The following PLCB1 variants were observed in gnomAD, a reference collection of about 807,000 sequenced individuals.
PLCB1 encodes the protein 1-phosphatidylinositol 4,5-bisphosphate phosphodiesterase beta-1.
In PLCB1, 46 loss-of-function variants were observed where a neutral mutation model predicts 161.8. The ratio of observed to expected loss-of-function variants is 0.28; its 90% CI spans 0.22 to 0.36. The LOEUF (loss-of-function observed/expected upper bound fraction) is 0.36. PLCB1 is among the 10% of genes least tolerant of loss of function. PLCB1 has a pLI of 1.00. For missense variants in PLCB1, 1,016 were observed against 1,472.5 expected, an observed-to-expected ratio of 0.69 and a Z score of 5.07; for synonymous variants, 517 against 503.7, an observed-to-expected ratio of 1.03 and a Z score of -0.35.
At chr20:8,382,682 G>A (rs1987296379) in intron 3 of PLCB1, among the ~76,000 whole-genome samples, 1 of 151,058 alleles carries the variant, frequency 6.6e-6, no homozygotes, top group Admixed American at 6.6e-5. Context: ...CTGAGTAGCT[G>A]TGACTACAGG....
At chr20:8,840,910 G>A (rs1217799617) in intron 31 of PLCB1, among the ~76,000 whole-genome samples, 1 of 152,096 alleles carries the variant, frequency 6.6e-6, no homozygotes, top group African/African-American at 2.4e-5. Flanking sequence ...TCTGCCTCCT[G>A]GGTTCAAGTG....
intron 3 of PLCB1, among the ~76,000 whole-genome samples, chr20:8,444,565 G>GT (rs1280597206): frequency 2.0e-5 from 3 of 152,196 alleles, no homozygotes; most frequent in African/African-American, 7.2e-5. Flanking sequence ...TATATACCCA[G>GT]TAATGGGATG....
intron 2 of PLCB1, among the ~76,000 whole-genome samples, chr20:8,266,465 C>A (rs1197776838): frequency 6.6e-6 from 1 of 152,186 alleles, no homozygotes; most frequent in Admixed American, 6.5e-5. Flanking sequence ...GCTCAGGCAT[C>A]ATTTCTTCTT....
chr20:8,354,361 G>A (rs766796867), intron 2 of PLCB1, among the ~76,000 whole-genome samples: 2 of 152,110 alleles, frequency 1.3e-5, no homozygotes, highest in Non-Finnish European at 2.9e-5. Context: ...CAACAACAAA[G>A]CAATGGGATA....
intron 27 of PLCB1, among the ~76,000 whole-genome samples, chr20:8,779,594 G>A (rs1269552649): frequency 6.7e-6 from 1 of 148,854 alleles, no homozygotes; most frequent in African/African-American, 2.5e-5. Context: ...TACTCAAAGT[G>A]TGAAGTGTGG....
intron 25 of PLCB1, among the ~76,000 whole-genome samples, chr20:8,763,669 C>T (rs766031781): frequency 6.6e-5 from 10 of 150,860 alleles, no homozygotes; most frequent in Non-Finnish European, 1.5e-4. Context: ...TACAGGCATG[C>T]GCCACCACAC....
chr20:8,343,351 A>G lies in PLCB1; in HGVS notation c.178-28031A>G, dbSNP rs541671208. 3.0e-3 allele frequency among the ~76,000 whole-genome samples: 450 copies of G among 152,330 alleles called. 2 individuals are homozygous for G. Among genetic ancestry groups the G allele is most frequent in the South Asian group, 0.017 (83 of 4,826 alleles). On this transcript the variant is annotated intron_variant, in intron 2 of 31. Coordinates refer to ENST00000338037, the MANE Select transcript of PLCB1 (RefSeq NM_015192.4). ...TAGGCATGTGAAAACACAGATCTCT[A>G]GGCCCTATGGCAAGATATTCTAATT...
rs370445852 is a variant in PLCB1, at chr20:8,558,318, A to G, written c.247-69976A>G. Among the ~76,000 whole-genome samples, 66 of 151,980 alleles carry G rather than the reference A, an allele frequency of 4.3e-4. 1 individual carries two copies. The South Asian group carries it at 0.011, about 26-fold the overall frequency. ...CACCTACTATGTATCCACAAAATAA[A>G]GAATTAAATAAATAAATATAAATGA... is the stretch of plus-strand genomic sequence containing the variant. On this transcript the variant is annotated intron_variant, in intron 3 of 31. Transcript: ENST00000338037.
chr20:8,310,234 A>G (rs1600304276), intron 2 of PLCB1, among the ~76,000 whole-genome samples: 1 of 152,190 alleles, frequency 6.6e-6, no homozygotes, highest in East Asian at 1.9e-4. Flanking sequence ...TGTTTTTAAA[A>G]CAAATTATCG....
intron 2 of PLCB1, among the ~76,000 whole-genome samples, chr20:8,183,847 A>G: frequency 6.6e-6 from 1 of 152,198 alleles, no homozygotes; most frequent in East Asian, 1.9e-4. Context: ...ATTTGCAGCC[A>G]CTGAGATAAA....
chr20:8,252,541 A>G (rs1450220234), intron 2 of PLCB1, among the ~76,000 whole-genome samples: 1 of 152,074 alleles, frequency 6.6e-6, no homozygotes, highest in Non-Finnish European at 1.5e-5. Flanking sequence ...TAGCATTAGA[A>G]TAAATTAGAA....
intron 31 of PLCB1, among the ~76,000 whole-genome samples, chr20:8,821,036 GGA>G (rs1297484079): frequency 6.6e-6 from 1 of 152,086 alleles, no homozygotes; most frequent in African/African-American, 2.4e-5. Flanking sequence ...AGTCAGGGAA[GGA>G]GAGAGGATTT....
At chr20:8,789,982 C>T (rs1397535777) in intron 30 of PLCB1, among the ~76,000 whole-genome samples, 193 bp from the exon 31 acceptor site, 16 of 152,112 alleles carry the variant, frequency 1.1e-4, no homozygotes, top group Admixed American at 6.6e-5. Flanking sequence ...TTGATCACCA[C>T]CTCCCACCCT....
chr20:8,594,521 T>C (rs568681467), intron 3 of PLCB1, among the ~76,000 whole-genome samples: 1 of 152,218 alleles, frequency 6.6e-6, no homozygotes, highest in East Asian at 1.9e-4. Context: ...TCCCAGGAGA[T>C]GTGATGCTTC....
chr20:8,749,456 C>T (rs1981341574), intron 23 of PLCB1, among the ~76,000 whole-genome samples: 1 of 152,132 alleles, frequency 6.6e-6, no homozygotes, highest in Admixed American at 6.6e-5. Context: ...GACCATAGTC[C>T]GTACCAAACG....
At chr20:8,463,725 C>T (rs1037759283) in intron 3 of PLCB1, among the ~76,000 whole-genome samples, 9 of 152,044 alleles carry the variant, frequency 5.9e-5, no homozygotes, top group Admixed American at 2.6e-4. Flanking sequence ...GGCTTGTATA[C>T]GTAACTTTAA....
At position 8,843,526 on chromosome 20, in the gene PLCB1, C is replaced by T. The variant is rs183473223; in HGVS notation, c.3424-38096C>T. Among the ~76,000 whole-genome samples the T allele has an allele frequency of 9.2e-5, 14 of 152,154 alleles. No individual in the cohort carries two copies. The East Asian group carries it at 2.7e-3, about 29-fold the overall frequency. Reference sequence around the variant, plus strand: ...CCCTAAAAATTAGACACTCACAACCCCCATCATAGGCATATTCACTTATTT... The same window carrying T: ...CCCTAAAAATTAGACACTCACAACCTCCATCATAGGCATATTCACTTATTT... On this transcript the variant is annotated intron_variant, in intron 31 of 31. Transcript: ENST00000338037.
intron 2 of PLCB1, among the ~76,000 whole-genome samples, chr20:8,329,998 G>C (rs1985303193): frequency 6.6e-6 from 1 of 152,132 alleles, no homozygotes; most frequent in Non-Finnish European, 1.5e-5. Context: ...ATTGAAAATA[G>C]GAGAAAATAG....
At chr20:8,818,057 A>C (rs2146260363) in intron 31 of PLCB1, among the ~76,000 whole-genome samples, 1 of 152,350 alleles carries the variant, frequency 6.6e-6, no homozygotes, top group East Asian at 1.9e-4. Flanking sequence ...AGAGATCAAG[A>C]GGCACGAAGG....
Sources: gnomAD v4.1 joint callset for allele counts (sites outside exome capture counted in the v4.1 genomes callset) on GRCh38, gnomAD v4.1.1 for gene constraint, MANE v1.5 for transcripts, NCBI Gene and HGNC (gene_info 2026-07-23, HGNC 2026-07-21) for gene names.